Variants in SH3RF3 observed in about 807,000 individuals in gnomAD.
The protein encoded by SH3RF3 is E3 ubiquitin-protein ligase SH3RF3.
A neutral mutation model predicts 66.3 loss-of-function variants in SH3RF3; 29 were observed. The observed-to-expected ratio is 0.44, with a 90% CI of 0.33 to 0.60. The LOEUF (loss-of-function observed/expected upper bound fraction) is 0.60. Ranked by LOEUF, SH3RF3 falls within the 20% of genes least tolerant of loss-of-function variation. The probability of loss-of-function intolerance (pLI) is 0.04; values close to 1 mark genes in which losing one functional copy is unlikely to be tolerated. For missense variants in SH3RF3, 1,194 were observed against 1,190.9 expected (o/e 1.00, Z -0.04); for synonymous variants, 583 against 532.0 (o/e 1.10, Z -1.32).
At chr2:109,352,997 G>A (rs1473878216) in intron 2 of SH3RF3, among the ~76,000 whole-genome samples, 1 of 152,238 alleles carries the variant, frequency 6.6e-6, no homozygotes, top group Non-Finnish European at 1.5e-5. Context: ...TGGCTCCTGG[G>A]AGCAGTCCTG....
chr2:109,448,043 G>T (rs1056175206), intron 7 of SH3RF3, among the ~76,000 whole-genome samples: 1 of 152,152 alleles, frequency 6.6e-6, no homozygotes, highest in African/African-American at 2.4e-5. Context: ...ATTGTCCCCA[G>T]CCAAGGCAGC....
intron 1 of SH3RF3, among the ~76,000 whole-genome samples, chr2:109,175,994 C>T (rs575298775): frequency 1.3e-5 from 2 of 152,210 alleles, no homozygotes; most frequent in African/African-American, 2.4e-5. Context: ...AGAAAAGATC[C>T]ACGTGGTCTA....
At chr2:109,254,897 C>T (rs975558375) in intron 1 of SH3RF3, among the ~76,000 whole-genome samples, 8 of 152,144 alleles carry the variant, frequency 5.3e-5, no homozygotes, top group South Asian at 2.1e-4. Context: ...CGAGACAGTA[C>T]GCTCCATGTG....
chr2:109,254,400 A>C (rs1407422834), intron 1 of SH3RF3, among the ~76,000 whole-genome samples: 2 of 152,166 alleles, frequency 1.3e-5, no homozygotes, highest in Non-Finnish European at 2.9e-5. Flanking sequence ...GGGGCAGCAC[A>C]TTCCTCATTG....
chr2:109,137,215 T>A (rs939285895), intron 1 of SH3RF3, among the ~76,000 whole-genome samples: 1 of 152,220 alleles, frequency 6.6e-6, no homozygotes, highest in Non-Finnish European at 1.5e-5. Flanking sequence ...GCTTAGTGAG[T>A]TTGCAGTGGG....
intron 1 of SH3RF3, among the ~76,000 whole-genome samples, chr2:109,346,815 A>T (rs1682719815): frequency 6.6e-6 from 1 of 152,200 alleles, no homozygotes; most frequent in Non-Finnish European, 1.5e-5. Flanking sequence ...TTAACCTCTG[A>T]CGGATACAAG....
chr2:109,266,150 G>A (rs772697739), intron 1 of SH3RF3, among the ~76,000 whole-genome samples: 1 of 151,670 alleles, frequency 6.6e-6, no homozygotes, highest in Non-Finnish European at 1.5e-5. Context: ...CATGTGTGCT[G>A]TGTGTGTTGT....
chr2:109,262,155 G>A (rs1489095829), intron 1 of SH3RF3, among the ~76,000 whole-genome samples: 1 of 152,184 alleles, frequency 6.6e-6, no homozygotes, highest in Non-Finnish European at 1.5e-5. Flanking sequence ...CAGTGCTGGG[G>A]TCTTTCCTGT....
intron 1 of SH3RF3, among the ~76,000 whole-genome samples, chr2:109,331,438 C>T (rs1354016260): frequency 2.0e-5 from 3 of 152,036 alleles, no homozygotes; most frequent in Non-Finnish European, 1.5e-5. Flanking sequence ...ACCAGGTTTG[C>T]AACTTCTCCC....
chr2:109,306,684 A>T (rs1057061614), intron 1 of SH3RF3, among the ~76,000 whole-genome samples: 1 of 152,244 alleles, frequency 6.6e-6, no homozygotes, highest in African/African-American at 2.4e-5. Flanking sequence ...GTAACCTAGC[A>T]TGTTACTGAA....
chr2:109,207,595 A>G (rs1678871558), intron 1 of SH3RF3, among the ~76,000 whole-genome samples: 1 of 152,208 alleles, frequency 6.6e-6, no homozygotes, highest in Non-Finnish European at 1.5e-5. Context: ...GAAATTGTGG[A>G]AAATAAAGAT....
At chr2:109,259,394 G>A (rs924926263) in intron 1 of SH3RF3, among the ~76,000 whole-genome samples, 2 of 152,202 alleles carry the variant, frequency 1.3e-5, no homozygotes, top group African/African-American at 4.8e-5. Flanking sequence ...TGCAAGGGGA[G>A]GCTGGGCCTC....
chr2:109,366,713 T>C lies in SH3RF3; in HGVS notation c.850-4873T>C, dbSNP rs10192629. ...ATAATAATCAACAAAATTAGCTGCG[T>C]GTGGTGGCACACGCCTGTGGTCCCA... On this transcript the variant is annotated intron_variant, in intron 2 of 9. Transcript: ENST00000309415. Among the ~76,000 whole-genome samples the C allele has an allele frequency of 7.0e-3, 1,060 of 152,162 alleles. 11 individuals carry two copies. Among genetic ancestry groups the C allele is most frequent in the African/African-American group, 0.024 (995 of 41,514 alleles).
At chr2:109,335,718 C>T (rs1238622786) in intron 1 of SH3RF3, among the ~76,000 whole-genome samples, 3 of 152,192 alleles carry the variant, frequency 2.0e-5, no homozygotes, top group African/African-American at 7.2e-5. Context: ...ACTCCCAAAC[C>T]CCACGCCAGA....
At position 109,220,900 on chromosome 2, in the gene SH3RF3, C is replaced by T. The variant is rs549920494; in HGVS notation, c.573+90787C>T. Among the ~76,000 whole-genome samples the T allele has an allele frequency of 1.2e-4, 19 of 152,284 alleles. No homozygotes were observed. In the South Asian group the frequency reaches 1.9e-3, roughly 15 times the overall value. On this transcript the variant is annotated intron_variant, in intron 1 of 9. Transcript: ENST00000309415. ...TGAACACAGAATTAACTATATAATC[C>T]AGCAGTTCTATTCCTAGGCTTATAC...
chr2:109,477,941 A>G (rs1678732441), intron 8 of SH3RF3, among the ~76,000 whole-genome samples: 4 of 152,284 alleles, frequency 2.6e-5, no homozygotes, highest in African/African-American at 9.6e-5. Flanking sequence ...TGCAGGAAAG[A>G]TCCTGCCCTG....
intron 8 of SH3RF3, among the ~76,000 whole-genome samples, chr2:109,450,160 A>G (rs1677826603): frequency 6.6e-6 from 1 of 152,174 alleles, no homozygotes; most frequent in South Asian, 2.1e-4. Flanking sequence ...AGCCTGGCCA[A>G]CATGGCAAAA....
intron 1 of SH3RF3, among the ~76,000 whole-genome samples, chr2:109,177,821 T>G (rs1677957838): frequency 1.3e-5 from 2 of 152,226 alleles, no homozygotes; most frequent in Non-Finnish European, 2.9e-5. Flanking sequence ...TTTGTTTGAT[T>G]TATTCTGGCC....
Position 109,412,261 on chromosome 2 carries a change from C to T in SH3RF3, c.1300-7278C>T, listed in dbSNP as rs181873410. 3.7e-4 allele frequency among the ~76,000 whole-genome samples: 56 copies of T among 152,388 alleles called. 1 individual carries two copies. Among genetic ancestry groups the T allele is most frequent in the African/African-American group, 1.3e-3 (53 of 41,602 alleles). ...CTCCTTGGTCTCTCCTGGCCAAACA[C>T]ATTGCCCCCCTTTCATTGGAGTATG... On this transcript the variant is annotated intron_variant, in intron 4 of 9. Transcript: ENST00000309415.
Sources: gnomAD v4.1 joint callset for allele counts (sites outside exome capture counted in the v4.1 genomes callset) on GRCh38, gnomAD v4.1.1 for gene constraint, MANE v1.5 for transcripts, NCBI Gene and HGNC (gene_info 2026-07-23, HGNC 2026-07-21) for gene names.